Variants in MED1 observed in about 807,000 individuals in gnomAD.
The protein encoded by MED1 is mediator complex subunit 1.
Under a neutral mutation model 121.3 loss-of-function variants are expected in MED1, and 17 were observed. That is an observed-to-expected ratio of 0.14 (90% CI 0.10 to 0.21). The LOEUF is 0.21. Among genes scored for constraint, MED1 ranks in the 10% least tolerant of loss-of-function variants. The pLI is 1.00. For synonymous variants in MED1, 661 were observed against 694.4 expected (o/e 0.95, Z 0.76); for missense variants, 1,558 against 1,919.4 (o/e 0.81, Z 3.52).
At chr17:39,427,501 T>A in intron 10 of MED1, 200 bp downstream of exon 10, 1 of 380,044 alleles carries the variant, frequency 2.6e-6, no homozygotes, top group Non-Finnish European at 4.7e-6. Flanking sequence ...ATTAAGCTCC[T>A]ATTATGTATG....
intron 6 of MED1, among the ~76,000 whole-genome samples, chr17:39,436,856 C>T (rs1045865208): frequency 6.6e-6 from 1 of 152,070 alleles, no homozygotes. Context: ...GCAACCTCCA[C>T]CTCCCAGGCT....
At chr17:39,422,076 T>C (rs1272509179) in intron 13 of MED1, among the ~76,000 whole-genome samples, 4 of 144,760 alleles carry the variant, frequency 2.8e-5, no homozygotes, top group Middle Eastern at 3.6e-3. Flanking sequence ...TGCAGTGAGC[T>C]GAGATCTCAC....
In MED1 at chr17:39,409,019, GA is replaced by G; in HGVS notation, c.3201del (p.Pro1068LeufsTer5). Reference sequence around the variant, plus strand: ...TTGCCCACCATCACTGTTCCCTTAGGAATCTGAATAGTGATTTTGGGAATGG... The same window carrying G: ...TTGCCCACCATCACTGTTCCCTTAGGATCTGAATAGTGATTTTGGGAATGG... ...TPPIPKITIQ[I>X]PKGTVMVGKP... On this transcript the variant is annotated frameshift_variant, in exon 17 of 17. Transcript: ENST00000300651. LOFTEE classifies it high-confidence loss of function. 6.2e-7 allele frequency: 1 copy of G among 1,614,182 alleles called. No homozygotes were observed. The highest frequency in any genetic ancestry group is 8.5e-7 in the Non-Finnish European group (1 of 1,180,028).
rs2048497308 is a variant in MED1 at position 39,424,639 on chromosome 17, A to G, written c.839T>C (p.Val280Ala). The change falls in exon 11 of 17, where the codon GTT becomes GCT. Residue 280 changes from valine (V) to alanine (A), a missense_variant. Coordinates refer to ENST00000300651, the MANE Select transcript of MED1 (RefSeq NM_004774.4). ...IAPLIMGSHP[V>A]DNKWTPSFSS... ...ATATTTAACTTACCATTTATTGTCA[A>G]CTGGATGTGACCCCATAATTAATGG... is the stretch of plus-strand genomic sequence containing the variant. The G allele has an allele frequency of 1.3e-6, 2 of 1,583,976 alleles. No individual in the cohort carries two copies. Among genetic ancestry groups the G allele is most frequent in the South Asian group, 2.3e-5 (2 of 87,122 alleles).
At chr17:39,412,932 A>G (rs1197555108) in intron 16 of MED1, among the ~76,000 whole-genome samples, 1 of 152,222 alleles carries the variant, frequency 6.6e-6, no homozygotes, top group African/African-American at 2.4e-5. Flanking sequence ...AATCTGCCAC[A>G]GACATGTAAA....
At chr17:39,424,410 C>G (rs979882698) in intron 11 of MED1, among the ~76,000 whole-genome samples, 1 of 152,154 alleles carries the variant, frequency 6.6e-6, no homozygotes, top group Admixed American at 6.6e-5. Flanking sequence ...GGAATTAGCA[C>G]AGTTCTCTTC....
rs1296609333 is a variant in MED1, at chr17:39,424,563, A to G, written c.851+64T>C. On this transcript the variant is annotated intron_variant, in intron 11 of 16. Transcript: ENST00000300651. Reference sequence around the variant, plus strand: ...CAAGTGGGGTAACAGCCAGGTTAAAACTTGTTACATACTGCGCTTTGAGAA... The same window carrying G: ...CAAGTGGGGTAACAGCCAGGTTAAAGCTTGTTACATACTGCGCTTTGAGAA... 2.8e-6 allele frequency: 3 copies of G among 1,068,298 alleles called. No individual in the cohort carries two copies. In the African/African-American group the frequency reaches 4.8e-5, roughly 17 times the overall value. The allele number at this position is 1,068,298 out of a possible 1,614,324, so 66.2% of individuals were successfully genotyped here.
intron 6 of MED1, among the ~76,000 whole-genome samples, chr17:39,438,762 C>T (rs1293612552): frequency 2.0e-5 from 3 of 152,054 alleles, no homozygotes; most frequent in South Asian, 4.1e-4. Context: ...CGTGAGCCAC[C>T]GCACCCAGCC....
intron 5 of MED1, 99 bp from the exon 6 acceptor site, chr17:39,439,292 C>T (rs2048649961): frequency 5.6e-6 from 5 of 895,892 alleles, no homozygotes; most frequent in Non-Finnish European, 6.6e-6. Context: ...TGTTTTACAA[C>T]AAAACCATTA....
chr17:39,439,371 T>C (rs549134513), intron 5 of MED1, among the ~76,000 whole-genome samples, 178 bp from the exon 6 acceptor site: 1 of 152,188 alleles, frequency 6.6e-6, no homozygotes, highest in Admixed American at 6.6e-5. Context: ...ACCACAGGAT[T>C]AGGGTGAGAA....
At position 39,408,504 on chromosome 17, in the gene MED1, T is replaced by C. The variant is rs760883408; in HGVS notation, c.3717A>G (p.Ser1239=). The C allele has an allele frequency of 6.2e-7, 1 of 1,614,212 alleles. No homozygotes were observed. Residue 1239 remains serine, a synonymous_variant, in exon 17 of 17, where the codon TCA becomes TCG. Transcript: ENST00000300651. The surrounding 1 kb of genome is among the most constrained non-coding windows in gnomAD (Gnocchi z 4.7). ...SGGSHMSGTS[S]SSGMKSSSGL... Reference sequence around the variant, plus strand: ...CTGAAGATGACTTCATGCCAGAGCTTGAACTAGTTCCAGACATATGAGAAC... The same window carrying C: ...CTGAAGATGACTTCATGCCAGAGCTCGAACTAGTTCCAGACATATGAGAAC...
chr17:39,407,404 T>G lies in MED1; in HGVS notation c.*71A>C, dbSNP rs1331830259. 6.7e-7 allele frequency: 1 copy of G among 1,498,136 alleles called. No individual in the cohort carries two copies. Among genetic ancestry groups the G allele is most frequent in the Non-Finnish European group, 8.9e-7 (1 of 1,126,650 alleles). 92.8% of individuals were successfully genotyped at this position (1,498,136 alleles called of 1,614,324 possible). ...TCAGACCTGTCTGACTCACCCCTTA[T>G]GGTGGTTTGCCTATAAACTTATCAA... On this transcript the variant is annotated 3_prime_UTR_variant, in exon 17 of 17. Coordinates refer to ENST00000300651, the MANE Select transcript of MED1 (RefSeq NM_004774.4).
At chr17:39,441,066 T>A (rs1483699571) in intron 3 of MED1, among the ~76,000 whole-genome samples, 1 of 151,988 alleles carries the variant, frequency 6.6e-6, no homozygotes, top group African/African-American at 2.4e-5. Context: ...ACAATCCAAG[T>A]GTCCACTAGC....
At chr17:39,429,852 A>C (rs2048549540) in intron 9 of MED1, among the ~76,000 whole-genome samples, 2 of 151,710 alleles carry the variant, frequency 1.3e-5, no homozygotes, top group African/African-American at 2.4e-5. Flanking sequence ...TTTGCAATGC[A>C]GTGGCAGGAA....
chr17:39,435,601 A>T (rs1056145614), intron 6 of MED1, among the ~76,000 whole-genome samples: 4 of 152,194 alleles, frequency 2.6e-5, no homozygotes, highest in African/African-American at 9.6e-5. Context: ...TAAGACAGCA[A>T]AAAGAAACGA....
intron 2 of MED1, among the ~76,000 whole-genome samples, chr17:39,444,225 T>C (rs1308228287): frequency 6.6e-6 from 1 of 151,850 alleles, no homozygotes; most frequent in Admixed American, 6.6e-5. Context: ...ACAGAACATA[T>C]AGGCTGGGTG....
intron 7 of MED1, among the ~76,000 whole-genome samples, chr17:39,433,403 A>T (rs1364902271): frequency 6.6e-6 from 1 of 151,374 alleles, no homozygotes; most frequent in Non-Finnish European, 1.5e-5. Context: ...ATTTTAAAAC[A>T]TTAATTCTTG....
chr17:39,440,345 G>C lies in MED1; in HGVS notation c.399+41C>G. 1 of 1,524,478 alleles carries C rather than the reference G, an allele frequency of 6.6e-7. No homozygotes were observed. Among genetic ancestry groups the C allele is most frequent in the Non-Finnish European group, 8.7e-7 (1 of 1,143,848 alleles). The allele number at this position is 1,524,478 out of a possible 1,614,324, so 94.4% of individuals were successfully genotyped here. On this transcript the variant is annotated intron_variant, in intron 5 of 16. Transcript: ENST00000300651. This position sits in a 1 kb window ranked among gnomAD's most constrained non-coding sequence, Gnocchi z 4.1. ...TTAATTTTAAAATTAATGTCCCTAA[G>C]TAAACCCCACAGATTCCAGTGAAAT...
intron 13 of MED1, among the ~76,000 whole-genome samples, chr17:39,422,075 C>T (rs1232696664): frequency 2.7e-5 from 4 of 147,560 alleles, no homozygotes; most frequent in African/African-American, 1.0e-4. Flanking sequence ...TTGCAGTGAG[C>T]TGAGATCTCA....
Sources: gnomAD v4.1 joint callset for allele counts (sites outside exome capture counted in the v4.1 genomes callset) on GRCh38, gnomAD v4.1.1 for gene constraint, Gnocchi (gnomAD v3.1) non-coding constraint, MANE v1.5 for transcripts, NCBI Gene and HGNC (gene_info 2026-07-23, HGNC 2026-07-21) for gene names.